ZNF276: variants seen among roughly 807,000 people sequenced by gnomAD.
ZNF276 encodes the protein zinc finger protein 276, also known as centromere protein Z.
In ZNF276, 59 loss-of-function variants were observed where a neutral mutation model predicts 63.9. The observed-to-expected ratio is 0.92, with a 90% CI of 0.75 to 1.15. ZNF276 has a LOEUF of 1.15. Ranked by LOEUF, ZNF276 falls within the 50% of genes most tolerant of loss-of-function variation. The pLI, the probability that ZNF276 is intolerant of heterozygous loss-of-function variation, is 0.00. For missense variants in ZNF276, 1,084 were observed against 843.8 expected (o/e 1.28, Z -3.53); for synonymous variants, 496 against 348.4 (o/e 1.42, Z -4.72).
At chr16:89,721,942 T>G in intron 1 of ZNF276, 97 bp downstream of exon 1, 4 of 868,952 alleles carry the variant, frequency 4.6e-6, no homozygotes, top group Non-Finnish European at 6.0e-6. Context: ...CGGCCTCTCC[T>G]CCACCCGGCC....
chr16:89,736,348 C>G (rs1259469153), intron 9 of ZNF276, among the ~76,000 whole-genome samples: 2 of 133,944 alleles, frequency 1.5e-5, no homozygotes, highest in African/African-American at 2.8e-5. Context: ...TTTTTTTTTC[C>G]GGGACAGTCT....
At chr16:89,729,191 G>A in intron 5 of ZNF276, 44 bp from the exon 6 acceptor site, 2 of 1,565,790 alleles carry the variant, frequency 1.3e-6, no homozygotes, top group Non-Finnish European at 1.8e-6. Flanking sequence ...GTCTGTCACT[G>A]CCCAGGCCCA....
intron 9 of ZNF276, 146 bp downstream of exon 9, chr16:89,734,184 T>C (rs2061772160): frequency 3.1e-6 from 2 of 655,482 alleles, no homozygotes; most frequent in Admixed American, 2.8e-5. Flanking sequence ...GTCACGTTGG[T>C]AGATGAAGGC....
At chr16:89,723,840 T>G (rs1470427676) in intron 4 of ZNF276, 131 bp downstream of exon 4, 2 of 1,033,820 alleles carry the variant, frequency 1.9e-6, no homozygotes, top group East Asian at 2.6e-5. Context: ...GAGCAGAGCT[T>G]GGGGCTTCTG....
chr16:89,720,809 T>C, upstream of ZNF276: 1 of 1,459,100 alleles, frequency 6.9e-7, no homozygotes, highest in Non-Finnish European at 9.1e-7. Context: ...GTTGGCAAGC[T>C]TCATGGCGCT....
chr16:89,738,191 C>T lies in ZNF276; in HGVS notation c.1790C>T (p.Pro597Leu), dbSNP rs1373593248. The change falls in exon 11 of 11, where the codon CCA becomes CTA. Residue 597 changes from proline to leucine, a missense_variant. Physicochemically the swap from Pro to Leu is moderately conservative, Grantham distance 98. Coordinates refer to ENST00000443381, the MANE Select transcript of ZNF276 (RefSeq NM_001113525.2). The stretch of plus-strand genomic sequence containing the variant: ...CTGGAGGCGGAACCACCACCTGGGC[C>T]ACCGAGCCCCTCTGTGACCACAGAG... ...LPLEAEPPPG[P>L]PSPSVTTEGQ... The T allele has an allele frequency of 6.2e-7, 1 of 1,611,502 alleles. No individual in the cohort carries two copies. The highest frequency in any genetic ancestry group is 1.1e-5 in the South Asian group (1 of 90,888).
chr16:89,720,977 A>C, upstream of ZNF276: 1 of 1,019,792 alleles, frequency 9.8e-7, no homozygotes, highest in Non-Finnish European at 1.3e-6. Context: ...GCAGGAAGGG[A>C]CGCGGCCGCA....
rs775082904 is a variant in ZNF276 at position 89,737,795 on chromosome 16, T to C, written c.1475-11T>C. The C allele has an allele frequency of 1.5e-5, 24 of 1,613,948 alleles. No individual in the cohort carries two copies. The highest frequency in any genetic ancestry group is 2.7e-5 in the African/African-American group (2 of 74,892). The stretch of plus-strand genomic sequence containing the variant: ...TCAGGGGCCTGGACTCACTGGACTC[T>C]CCCCTCTCAGAGGTGCGGAACTATA... On this transcript the variant is annotated splice_polypyrimidine_tract_variant and intron_variant, in intron 9 of 10. Transcript: ENST00000443381.
intron 5 of ZNF276, among the ~76,000 whole-genome samples, chr16:89,728,897 A>G (rs74606487): frequency 0.1 from 15,638 of 152,240 alleles, 1,073 homozygotes; most frequent in South Asian, 0.17. Context: ...GTTCGCAGTT[A>G]TGGGGTGAGG....
chr16:89,722,306 G>GAGAGGCCTT (rs908006274), intron 1 of ZNF276, among the ~76,000 whole-genome samples: 34 of 152,238 alleles, frequency 2.2e-4, no homozygotes, highest in African/African-American at 6.5e-4. Context: ...TGCTTCGCTG[G>GAGAGGCCTT]AGAGGCCTTA....
chr16:89,724,862 CTCTA>C (rs1431653658), intron 4 of ZNF276, among the ~76,000 whole-genome samples: 14 of 152,032 alleles, frequency 9.2e-5, no homozygotes, highest in African/African-American at 2.4e-4. Flanking sequence ...CTTTGTCTCT[CTCTA>C]TCTACCTACC....
At chr16:89,734,744 T>C (rs1346185075) in intron 9 of ZNF276, among the ~76,000 whole-genome samples, 3 of 152,026 alleles carry the variant, frequency 2.0e-5, no homozygotes, top group Non-Finnish European at 4.4e-5. Context: ...GGTCGTGTCA[T>C]TAAGACCGGA....
intron 5 of ZNF276, among the ~76,000 whole-genome samples, chr16:89,728,427 G>A (rs1400867910): frequency 9.3e-5 from 14 of 150,502 alleles, no homozygotes; most frequent in African/African-American, 2.4e-4. Context: ...TATTTGAGAC[G>A]GAGTCTCGCT....
chr16:89,739,230 G>A lies in ZNF276; in HGVS notation c.*984G>A. 6.2e-7 allele frequency: 1 copy of A among 1,614,174 alleles called. No homozygotes were observed. The highest frequency in any genetic ancestry group is 8.5e-7 in the Non-Finnish European group (1 of 1,180,036). ...GACCAGCTTCAAGTACATGTCCACA[G>A]CAACATGCAGGAAGGCCTCTTCCCT... On this transcript the variant is annotated 3_prime_UTR_variant, in exon 11 of 11. Transcript: ENST00000443381.
rs1415210877 is a variant in ZNF276, at chr16:89,738,529, CAA to C, written c.*284_*285del. On this transcript the variant is annotated 3_prime_UTR_variant, in exon 11 of 11. Coordinates refer to ENST00000443381, the MANE Select transcript of ZNF276 (RefSeq NM_001113525.2). ...ATTTGTAATCCACTTTTTAGTGCAA[CAA>C]GAGCTCCATGTTATGCTTGTAATAA... The C allele has an allele frequency of 6.2e-7, 1 of 1,605,240 alleles. No homozygotes were observed. Among genetic ancestry groups the C allele is most frequent in the Admixed American group, 1.7e-5 (1 of 59,958 alleles).
chr16:89,733,718 G>T (rs893629984), intron 8 of ZNF276, among the ~76,000 whole-genome samples, 161 bp downstream of exon 8: 9 of 152,148 alleles, frequency 5.9e-5, no homozygotes, highest in Non-Finnish European at 1.2e-4. Flanking sequence ...ATCCTTGGGG[G>T]TAGATGTGAG....
In ZNF276 at chr16:89,722,973, C is replaced by T. The variant is rs189119549; in HGVS notation, c.509+139C>T. ...CATGCCCGGGTTCAGTGCCAACAGC[C>T]CTGGGACTGTTGTGGAGAGATGAAC... On this transcript the variant is annotated intron_variant, in intron 2 of 10. Transcript: ENST00000443381. The T allele has an allele frequency of 1.7e-4, 270 of 1,565,582 alleles. 1 individual carries two copies. Among genetic ancestry groups the T allele is most frequent in the Middle Eastern group, 1.6e-3 (9 of 5,790 alleles).
Position 89,729,326 on chromosome 16 carries a change from G to A in ZNF276, c.1169+8G>A, listed in dbSNP as rs1348829820. On this transcript the variant is annotated splice_region_variant and intron_variant, in intron 6 of 10. Coordinates refer to ENST00000443381, the MANE Select transcript of ZNF276 (RefSeq NM_001113525.2). Reference sequence around the variant, plus strand: ...GCCTTACCCAGAAAGGAAGTAAGTGGGCAGCCCGGGGTCTGCTGGAGGCAT... The same window carrying A: ...GCCTTACCCAGAAAGGAAGTAAGTGAGCAGCCCGGGGTCTGCTGGAGGCAT... The A allele has an allele frequency of 6.2e-7, 1 of 1,613,888 alleles. No homozygotes were observed. Among genetic ancestry groups the A allele is most frequent in the South Asian group, 1.1e-5 (1 of 91,082 alleles).
chr16:89,733,817 G>T, intron 8 of ZNF276, 104 bp from the exon 9 acceptor site: 1 of 1,062,330 alleles, frequency 9.4e-7, no homozygotes, highest in Non-Finnish European at 1.4e-6. Flanking sequence ...GCTGGAGGAG[G>T]AGTTGGATCT....
Sources: gnomAD v4.1 joint callset for allele counts (sites outside exome capture counted in the v4.1 genomes callset) on GRCh38, gnomAD v4.1.1 for gene constraint, MANE v1.5 for transcripts, NCBI Gene and HGNC (gene_info 2026-07-23, HGNC 2026-07-21) for gene names.